The following KXD1 variants were observed in gnomAD, a reference collection of about 807,000 sequenced individuals.
KXD1 encodes KxDL motif containing 1, also known as kxDL motif-containing protein 1.
A neutral mutation model predicts 12.1 loss-of-function variants in KXD1; 5 were observed. The observed-to-expected ratio is 0.41, with a 90% confidence interval of 0.22 to 0.87. The LOEUF (loss-of-function observed/expected upper bound fraction) is 0.87, where lower values mean the gene tolerates loss of function less well. Ranked by LOEUF, KXD1 falls within the 40% of genes least tolerant of loss-of-function variation. The pLI, the probability that KXD1 is intolerant of heterozygous loss-of-function variation, is 0.31. For synonymous variants in KXD1, 98 were observed against 100.5 expected (o/e 0.98, Z 0.15); for missense variants, 193 against 244.9 (o/e 0.79, Z 1.41).
At position 18,566,890 on chromosome 19, in the gene KXD1, G is replaced by A. The variant is rs548243084; in HGVS notation, c.255-242G>A. ...AGTGCCTAGGCTCAGAGCACCCAGA[G>A]TCTAACTAGTTGGGGGTTGGTGCCT... On this transcript the variant is annotated intron_variant, in intron 3 of 4. Transcript: ENST00000222307. Among the ~76,000 whole-genome samples the A allele has an allele frequency of 5.9e-5, 9 of 152,338 alleles. No homozygotes were observed. In the South Asian group the frequency reaches 1.0e-3, roughly 18 times the overall value.
chr19:18,564,729 G>C lies in KXD1; in HGVS notation c.102-140G>C, dbSNP rs781436562. On this transcript the variant is annotated intron_variant, in intron 2 of 4. Coordinates refer to ENST00000222307, the MANE Select transcript of KXD1 (RefSeq NM_024069.4). ...GTTTGCTAGGTGGCTCAAAGAGTAG[G>C]TAGAACTCTGCAGGACAAGGGAACA... The C allele has an allele frequency of 1.1e-5, 10 of 921,806 alleles. No individual in the cohort carries two copies. In the East Asian group the frequency reaches 2.4e-4, roughly 22 times the overall value. 57.1% of individuals were successfully genotyped at this position (921,806 alleles called of 1,614,324 possible). A position where few individuals can be genotyped will look rare whatever the true frequency, so the allele number is the denominator to read the frequency against.
chr19:18,567,447 G>A, intron 4 of KXD1: 2 of 698,256 alleles, frequency 2.9e-6, no homozygotes, highest in South Asian at 1.5e-5. Context: ...ATCCCTGTGT[G>A]CATTATGAGC....
In KXD1 at chr19:18,567,213, G is replaced by A. The variant is rs752778312; in HGVS notation, c.301+35G>A. 6.2e-6 allele frequency: 10 copies of A among 1,609,714 alleles called. No homozygotes were observed. In the Admixed American group the frequency reaches 6.7e-5, roughly 11 times the overall value. ...ACGCAGGGTTCCTGCTCCCGAGCAC[G>A]TCAGCACTCTCCACCCAGGGCAGGC... is the stretch of plus-strand genomic sequence containing the variant. On this transcript the variant is annotated intron_variant, in intron 4 of 4. Coordinates refer to ENST00000222307, the MANE Select transcript of KXD1 (RefSeq NM_024069.4).
At chr19:18,563,892 TCTC>T (rs1975060966) in intron 2 of KXD1, among the ~76,000 whole-genome samples, 1 of 150,796 alleles carries the variant, frequency 6.6e-6, no homozygotes, top group East Asian at 2.0e-4. Flanking sequence ...AAAGTGCTGG[TCTC>T]CTTTTTTTTG....
chr19:18,564,266 C>G (rs1204333464), intron 2 of KXD1, among the ~76,000 whole-genome samples: 2 of 152,170 alleles, frequency 1.3e-5, no homozygotes, highest in Middle Eastern at 6.9e-3. Context: ...AGACACAGAC[C>G]CTCCTGGCCC....
rs1568419477 is a variant in KXD1, at chr19:18,562,040, CGGA to C, written c.-9_-7del. ...CTCTGTTCTTGCCTGTTTCAGGCAG[CGGA>C]GGAGGAGAAAGAGATGGACCTCCCG... On this transcript the variant is annotated 5_prime_UTR_variant, in exon 2 of 5. Transcript: ENST00000222307. The C allele has an allele frequency of 4.4e-6, 7 of 1,602,768 alleles. No homozygotes were observed. Among genetic ancestry groups the C allele is most frequent in the Non-Finnish European group, 6.0e-6 (7 of 1,172,192 alleles).
intron 3 of KXD1, among the ~76,000 whole-genome samples, chr19:18,566,839 C>T (rs1975264388): frequency 6.6e-6 from 1 of 152,004 alleles, no homozygotes; most frequent in African/African-American, 2.4e-5. Flanking sequence ...ATGTAAGAAG[C>T]AGCCTCGCAG....
rs1170668602 is a variant in KXD1, at chr19:18,565,260, C to T, written c.254+239C>T. 5.7e-5 allele frequency: 68 copies of T among 1,188,954 alleles called. 1 individual carries two copies. In the Admixed American group the frequency reaches 6.6e-4, roughly 11 times the overall value. The allele number at this position is 1,188,954 out of a possible 1,614,324, so 73.7% of individuals were successfully genotyped here. On this transcript the variant is annotated intron_variant, in intron 3 of 4. Transcript: ENST00000222307. ...TTTTTTTTTTTTGGAGACGGAGTCT[C>T]GCTCTGTTGCCCAGGCTGGAGTGCA...
intron 3 of KXD1, among the ~76,000 whole-genome samples, chr19:18,566,804 A>G (rs1015097860): frequency 1.3e-5 from 2 of 152,110 alleles, no homozygotes; most frequent in African/African-American, 4.8e-5. Context: ...AAAAAAAAAA[A>G]AAAATTTATC....
intron 4 of KXD1, among the ~76,000 whole-genome samples, chr19:18,568,085 T>C (rs894788075): frequency 2.0e-5 from 3 of 151,970 alleles, no homozygotes; most frequent in African/African-American, 7.3e-5. Context: ...CTGACCAACA[T>C]AGAGAAACCC....
chr19:18,567,143 G>A lies in KXD1; in HGVS notation c.266G>A (p.Gly89Glu). ...TCTCTCCCCTGCAGGACGCTGAAAGGGAAACTGGCCAGGCAGCACCCAGAG... is the reference window on the plus strand; with the variant it reads ...TCTCTCCCCTGCAGGACGCTGAAAGAGAAACTGGCCAGGCAGCACCCAGAG... ...SIFRRIRTLK[G>E]KLARQHPEAF... is the part of the protein sequence containing the mutation. Residue 89 changes from glycine to glutamate, a missense_variant, in exon 4 of 5, where the codon GGG becomes GAG. Coordinates refer to ENST00000222307, the MANE Select transcript of KXD1 (RefSeq NM_024069.4). The A allele has an allele frequency of 6.2e-7, 1 of 1,614,162 alleles. No homozygotes were observed. The highest frequency in any genetic ancestry group is 8.5e-7 in the Non-Finnish European group (1 of 1,180,014).
In KXD1 at chr19:18,569,315, C is replaced by T. The variant is rs1975406145; in HGVS notation, c.*684C>T. 1 of 152,514 alleles carries T rather than the reference C, an allele frequency of 6.6e-6. No homozygotes were observed. The allele number at this position is 152,514 out of a possible 1,614,324, so 9.4% of individuals were successfully genotyped here. The stretch of plus-strand genomic sequence containing the variant: ...AGAGTTTAATGGAATATTTTTGTAC[C>T]CGATGTTTACAGATGCTGTTGGGAA... On this transcript the variant is annotated 3_prime_UTR_variant, in exon 5 of 5. Coordinates refer to ENST00000222307, the MANE Select transcript of KXD1 (RefSeq NM_024069.4).
intron 4 of KXD1, among the ~76,000 whole-genome samples, chr19:18,567,809 G>C (rs1198551948): frequency 2.0e-5 from 3 of 152,200 alleles, no homozygotes; most frequent in African/African-American, 7.2e-5. Context: ...GCAGGGAGCT[G>C]GGCTGAGGGG....
intron 3 of KXD1, among the ~76,000 whole-genome samples, chr19:18,565,524 G>T (rs1019196900): frequency 6.6e-6 from 1 of 151,366 alleles, no homozygotes; most frequent in African/African-American, 2.4e-5. Context: ...GAGCCACTGC[G>T]CCCGGCCGAG....
At chr19:18,566,559 C>T (rs544415705) in intron 3 of KXD1, among the ~76,000 whole-genome samples, 10 of 151,526 alleles carry the variant, frequency 6.6e-5, no homozygotes, top group Non-Finnish European at 1.0e-4. Context: ...GGGAGGCTGA[C>T]GCAGGCAGAT....
chr19:18,567,905 T>TCCTCA (rs1412198591), intron 4 of KXD1, among the ~76,000 whole-genome samples: 6 of 152,124 alleles, frequency 3.9e-5, no homozygotes, highest in Non-Finnish European at 8.8e-5. Flanking sequence ...TTGTGTCCCT[T>TCCTCA]CCTCACCTCA....
At chr19:18,563,649 G>A (rs1975044334) in intron 2 of KXD1, among the ~76,000 whole-genome samples, 1 of 151,950 alleles carries the variant, frequency 6.6e-6, no homozygotes, top group Admixed American at 6.6e-5. Context: ...GACTACAGGT[G>A]TGCGCCACCA....
intron 3 of KXD1, among the ~76,000 whole-genome samples, chr19:18,566,657 G>GTGGCAC (rs1285346737): frequency 2.6e-5 from 4 of 151,998 alleles, no homozygotes; most frequent in African/African-American, 7.3e-5. Context: ...GCTGAGCATG[G>GTGGCAC]TGGCACGTGC....
intron 2 of KXD1, among the ~76,000 whole-genome samples, chr19:18,564,329 G>C (rs898515692): frequency 1.3e-5 from 2 of 152,096 alleles, no homozygotes; most frequent in African/African-American, 4.8e-5. Flanking sequence ...GGAATTAAAA[G>C]AGTCTGATTG....
Sources: allele counts gnomAD v4.1 joint callset (sites outside exome capture counted in the v4.1 genomes callset), GRCh38; gene constraint gnomAD v4.1.1; transcripts MANE v1.5; gene names NCBI Gene and HGNC (gene_info 2026-07-23, HGNC 2026-07-21).